Variants in HM13 observed in about 807,000 individuals in gnomAD.
HM13 encodes the protein histocompatibility minor 13, also known as signal peptide peptidase.
In HM13, 18 loss-of-function variants were observed where a neutral mutation model predicts 50.0. The observed-to-expected ratio is 0.36, with a 90% CI of 0.25 to 0.53. HM13 has a LOEUF of 0.53. Ranked by LOEUF, HM13 falls within the 20% of genes least tolerant of loss-of-function variation. The pLI, the probability that HM13 is intolerant of heterozygous loss-of-function variation, is 0.90. For missense variants in HM13, 393 were observed against 552.4 expected (o/e 0.71, Z 2.89); for synonymous variants, 197 against 232.6 (o/e 0.85, Z 1.39).
chr20:31,568,039 C>T, intron 11 of HM13, 39 bp from the exon 12 acceptor site: 3 of 1,515,836 alleles, frequency 2.0e-6, no homozygotes, highest in Non-Finnish European at 2.7e-6. Flanking sequence ...TTTCCCTATC[C>T]ATCTCTTTTT....
At chr20:31,518,694 C>T (rs1337979373) in intron 1 of HM13, among the ~76,000 whole-genome samples, 1 of 151,700 alleles carries the variant, frequency 6.6e-6, no homozygotes, top group African/African-American at 2.4e-5. Context: ...TATGTCAGTA[C>T]ATATAGACCT....
chr20:31,547,104 A>G (rs1378390619), intron 4 of HM13, among the ~76,000 whole-genome samples: 1 of 152,190 alleles, frequency 6.6e-6, no homozygotes, highest in Non-Finnish European at 1.5e-5. Context: ...CCATTTAGCT[A>G]TAAGAGAAGC....
chr20:31,529,612 T>TA (rs1982693950), intron 2 of HM13, among the ~76,000 whole-genome samples: 1 of 152,066 alleles, frequency 6.6e-6, no homozygotes, highest in South Asian at 2.1e-4. Context: ...AAGGATGTCT[T>TA]TAATTTACAT....
intron 3 of HM13, among the ~76,000 whole-genome samples, chr20:31,543,372 G>GC (rs1351207027): frequency 6.6e-6 from 1 of 152,078 alleles, no homozygotes; most frequent in Non-Finnish European, 1.5e-5. Flanking sequence ...TGCAACCTCT[G>GC]CCCCCCGGGT....
At chr20:31,530,163 A>G (rs1214645158) in intron 2 of HM13, among the ~76,000 whole-genome samples, 1 of 152,042 alleles carries the variant, frequency 6.6e-6, no homozygotes, top group Non-Finnish European at 1.5e-5. Flanking sequence ...TCAATAATGT[A>G]CATCATTTAA....
At chr20:31,547,567 A>G in intron 4 of HM13, 2 of 1,188,222 alleles carry the variant, frequency 1.7e-6, no homozygotes, top group Non-Finnish European at 2.4e-6. Context: ...AACGTCAGTT[A>G]TTAAGGGCAT....
In HM13 at chr20:31,538,179, A is replaced by C. The variant is rs1983223782; in HGVS notation, c.283A>C (p.Ile95Leu). 1.5e-5 allele frequency: 24 copies of C among 1,613,684 alleles called. No homozygotes were observed. The highest frequency in any genetic ancestry group is 1.9e-5 in the Non-Finnish European group (22 of 1,179,836). ...TLLGLYLFFKIFSQEYINLLL... is the reference protein window; with the variant it reads ...TLLGLYLFFKLFSQEYINLLL... ...GTTTCTCTTTGTATTTCTGCCTCAG[A>C]TATTCTCCCAGGAGTACATCAACCT... is the stretch of plus-strand genomic sequence containing the variant. Residue 95 changes from isoleucine to leucine, a missense_variant and splice_region_variant, in exon 3 of 13, where the codon ATA becomes CTA. Ile to Leu is a conservative substitution (Grantham distance 5, BLOSUM62 2). Around this residue, in one of 3 missense-constraint regions of HM13, gnomAD observed 214 missense variants for 276.1 expected, o/e 0.77. Coordinates refer to ENST00000398174, the MANE Select transcript of HM13 (RefSeq NM_178581.3).
At chr20:31,518,250 G>C (rs530301456) in intron 1 of HM13, among the ~76,000 whole-genome samples, 20 of 151,218 alleles carry the variant, frequency 1.3e-4, no homozygotes, top group Non-Finnish European at 2.2e-4. Context: ...GGTCAGGCTG[G>C]TCTCAAACTC....
At chr20:31,530,282 T>G (rs1982735188) in intron 2 of HM13, among the ~76,000 whole-genome samples, 1 of 152,162 alleles carries the variant, frequency 6.6e-6, no homozygotes, top group Non-Finnish European at 1.5e-5. Flanking sequence ...CCAATACAGT[T>G]TCCTGTGATT....
intron 10 of HM13, 111 bp from the exon 11 acceptor site, chr20:31,566,099 T>G: frequency 1.3e-6 from 1 of 762,930 alleles, no homozygotes; most frequent in Non-Finnish European, 2.2e-6. Flanking sequence ...GCTATGGTCC[T>G]GGACCAGTCA....
chr20:31,567,661 CAG>C (rs1433082215), intron 11 of HM13: 18 of 159,210 alleles, frequency 1.1e-4, no homozygotes, highest in Admixed American at 6.5e-5. Context: ...AAAGCTGTAA[CAG>C]AGAGAGCACC....
intron 1 of HM13, among the ~76,000 whole-genome samples, chr20:31,520,923 G>A (rs1054056001): frequency 6.6e-6 from 1 of 152,152 alleles, no homozygotes; most frequent in African/African-American, 2.4e-5. Flanking sequence ...AGCTTGAACC[G>A]TGCCAATGGC....
At chr20:31,557,372 C>T (rs1239984299) in intron 8 of HM13, among the ~76,000 whole-genome samples, 1 of 152,226 alleles carries the variant, frequency 6.6e-6, no homozygotes, top group Non-Finnish European at 1.5e-5. Flanking sequence ...GACATCTCGG[C>T]ATATCTGTCC....
intron 4 of HM13, 111 bp downstream of exon 4, chr20:31,545,146 C>G (rs1416902705): frequency 1.2e-6 from 1 of 832,604 alleles, no homozygotes; most frequent in Non-Finnish European, 2.0e-6. Flanking sequence ...GAAGTGGGCT[C>G]TGGAATTCCA....
intron 4 of HM13, chr20:31,547,827 C>T: frequency 3.2e-6 from 3 of 933,914 alleles, no homozygotes; most frequent in South Asian, 1.3e-5. Context: ...TACTCAGTGG[C>T]GCAAATATTA....
chr20:31,546,397 T>C (rs1311038689), intron 4 of HM13, among the ~76,000 whole-genome samples: 1 of 152,118 alleles, frequency 6.6e-6, no homozygotes, highest in East Asian at 1.9e-4. Flanking sequence ...GCAGCAATTT[T>C]ATGTGATTGC....
Position 31,566,196 on chromosome 20 carries a change from G to T in HM13, c.949-14G>T. The T allele has an allele frequency of 6.2e-7, 1 of 1,611,094 alleles. No individual in the cohort carries two copies. The highest frequency in any genetic ancestry group is 8.5e-7 in the Non-Finnish European group (1 of 1,177,454). On this transcript the variant is annotated splice_polypyrimidine_tract_variant and intron_variant, in intron 10 of 12. Coordinates refer to ENST00000398174, the MANE Select transcript of HM13 (RefSeq NM_178581.3). ...GTGCCCAGCATGGCTTCACCAGCCT[G>T]TGTCCTCTCATAGCCTGCCCTCCTA...
At chr20:31,561,466 C>A (rs1376073602) in intron 9 of HM13, among the ~76,000 whole-genome samples, 168 bp from the exon 10 acceptor site, 1 of 152,198 alleles carries the variant, frequency 6.6e-6, no homozygotes, top group African/African-American at 2.4e-5. Context: ...TCCAGAGACA[C>A]ATAGCTGGGG....
intron 7 of HM13, among the ~76,000 whole-genome samples, chr20:31,554,409 G>A (rs1258246332): frequency 6.6e-6 from 1 of 151,790 alleles, no homozygotes; most frequent in Non-Finnish European, 1.5e-5. Flanking sequence ...TAGGCCGGGA[G>A]CGGTGGCTCA....
Sources: gnomAD v4.1 joint callset for allele counts (sites outside exome capture counted in the v4.1 genomes callset) on GRCh38, gnomAD v4.1.1 for gene constraint, gnomAD v4.1.1 regional missense constraint, MANE v1.5 for transcripts, NCBI Gene and HGNC (gene_info 2026-07-23, HGNC 2026-07-21) for gene names.